The following GABRB2 variants were observed in gnomAD, a reference collection of about 807,000 sequenced individuals.
GABRB2 encodes the protein gamma-aminobutyric acid receptor subunit beta-2.
Under a neutral mutation model 54.7 loss-of-function variants are expected in GABRB2, and 16 were observed. The ratio of observed to expected loss-of-function variants is 0.29; its 90% CI spans 0.20 to 0.44. GABRB2 has a LOEUF of 0.44. Ranked by LOEUF, GABRB2 falls within the 20% of genes least tolerant of loss-of-function variation. GABRB2 has a pLI of 1.00. For synonymous variants in GABRB2, 244 were observed against 233.8 expected (o/e 1.04, Z -0.40); for missense variants, 355 against 644.0 (o/e 0.55, Z 4.86).
intron 5 of GABRB2, among the ~76,000 whole-genome samples, chr5:161,379,365 A>C (rs1220597060): frequency 2.6e-5 from 4 of 152,134 alleles, no homozygotes; most frequent in Non-Finnish European, 5.9e-5. Context: ...TTACTACTAC[A>C]GGATGTGTGT....
intron 5 of GABRB2, among the ~76,000 whole-genome samples, chr5:161,388,601 G>A (rs1055558257): frequency 1.3e-5 from 2 of 151,796 alleles, no homozygotes; most frequent in Admixed American, 6.6e-5. Flanking sequence ...AATAATTTAA[G>A]AATTAATCAT....
chr5:161,390,974 T>A (rs900037142), intron 5 of GABRB2, among the ~76,000 whole-genome samples: 1 of 152,164 alleles, frequency 6.6e-6, no homozygotes, highest in African/African-American at 2.4e-5. Flanking sequence ...TCAGGGACTG[T>A]CAGTGTTGTT....
Position 161,292,783 on chromosome 5 carries a change from A to C in GABRB2, c.*1298T>G, listed in dbSNP as rs983484880. 1 of 152,178 alleles carries C rather than the reference A, an allele frequency of 6.6e-6. No individual in the cohort carries two copies. The highest frequency in any genetic ancestry group is 1.5e-5 in the Non-Finnish European group (1 of 68,024). 9.4% of individuals were successfully genotyped at this position (152,178 alleles called of 1,614,324 possible). On this transcript the variant is annotated 3_prime_UTR_variant, in exon 10 of 10. Transcript: ENST00000393959. ...GTGTGTTCATACTCCTTGAAGTATT[A>C]TTTGCTTTGAAAAATACAATGGTGA...
At chr5:161,463,510 G>A (rs140463822) in intron 3 of GABRB2, among the ~76,000 whole-genome samples, 240 of 123,466 alleles carry the variant, frequency 1.9e-3, no homozygotes, top group Non-Finnish European at 3.0e-3. Context: ...ACCCTATCAG[G>A]ATTTTTTTTG....
At chr5:161,427,978 T>C (rs953405690) in intron 4 of GABRB2, among the ~76,000 whole-genome samples, 3 of 152,112 alleles carry the variant, frequency 2.0e-5, no homozygotes, top group Non-Finnish European at 2.9e-5. Flanking sequence ...ACACAACTGA[T>C]TTTACATTTA....
intron 4 of GABRB2, among the ~76,000 whole-genome samples, chr5:161,441,009 TC>T (rs1757452355): frequency 6.6e-6 from 1 of 152,156 alleles, no homozygotes; most frequent in Non-Finnish European, 1.5e-5. Context: ...CTATGAAATT[TC>T]TACAAGAAAA....
intron 3 of GABRB2, among the ~76,000 whole-genome samples, chr5:161,517,416 A>G (rs1759981864): frequency 6.6e-6 from 1 of 152,184 alleles, no homozygotes; most frequent in Admixed American, 6.5e-5. Context: ...GTTAGCTTTC[A>G]TCTCAGTTTA....
intron 4 of GABRB2, among the ~76,000 whole-genome samples, chr5:161,446,683 C>A (rs1383231359): frequency 2.6e-5 from 4 of 152,086 alleles, no homozygotes; most frequent in African/African-American, 9.7e-5. Flanking sequence ...TTATTATTTA[C>A]TTTTGACAAA....
chr5:161,367,037 C>G (rs1316153285), intron 5 of GABRB2, among the ~76,000 whole-genome samples: 2 of 152,032 alleles, frequency 1.3e-5, no homozygotes, highest in Non-Finnish European at 2.9e-5. Flanking sequence ...AAAAATCAAC[C>G]TTTTCAGAAA....
At chr5:161,502,844 C>T (rs959899164) in intron 3 of GABRB2, among the ~76,000 whole-genome samples, 9 of 152,162 alleles carry the variant, frequency 5.9e-5, no homozygotes, top group South Asian at 2.1e-4. Flanking sequence ...AGAGAAGAAA[C>T]TACAGAAATC....
At chr5:161,434,902 A>G (rs1257705844) in intron 4 of GABRB2, among the ~76,000 whole-genome samples, 1 of 152,142 alleles carries the variant, frequency 6.6e-6, no homozygotes, top group East Asian at 1.9e-4. Flanking sequence ...CTATATCCAC[A>G]CTAGTGAAAA....
At chr5:161,342,439 A>G (rs947720311) in intron 5 of GABRB2, among the ~76,000 whole-genome samples, 2 of 152,032 alleles carry the variant, frequency 1.3e-5, no homozygotes, top group Admixed American at 1.3e-4. Context: ...GTTTCATGGA[A>G]AAGGGTTATG....
chr5:161,440,435 G>C (rs1222665977), intron 4 of GABRB2, among the ~76,000 whole-genome samples: 1 of 152,106 alleles, frequency 6.6e-6, no homozygotes, highest in Non-Finnish European at 1.5e-5. Context: ...CAGAGCAGTA[G>C]TAGCTATACT....
chr5:161,419,502 T>C (rs1301698137), intron 4 of GABRB2, among the ~76,000 whole-genome samples: 1 of 152,224 alleles, frequency 6.6e-6, no homozygotes, highest in Non-Finnish European at 1.5e-5. Context: ...AAAGGATAAC[T>C]GCTCTTATAT....
At chr5:161,339,346 T>A (rs149011764) in intron 5 of GABRB2, among the ~76,000 whole-genome samples, 1 of 152,122 alleles carries the variant, frequency 6.6e-6, no homozygotes, top group South Asian at 2.1e-4. Flanking sequence ...TGGTGGTATA[T>A]ACTAAGCACT....
chr5:161,398,020 TAGA>T (rs1756058362), intron 5 of GABRB2, among the ~76,000 whole-genome samples: 2 of 151,406 alleles, frequency 1.3e-5, no homozygotes, highest in African/African-American at 4.9e-5. Flanking sequence ...AGATGATAGA[TAGA>T]TAGATAGATA....
intron 3 of GABRB2, among the ~76,000 whole-genome samples, chr5:161,539,308 A>G (rs1760741057): frequency 6.6e-6 from 1 of 152,212 alleles, no homozygotes; most frequent in South Asian, 2.1e-4. Flanking sequence ...TCTGCTCAGG[A>G]GCATTCTAAT....
intron 9 of GABRB2, among the ~76,000 whole-genome samples, chr5:161,315,767 A>G (rs1331848024): frequency 1.3e-5 from 2 of 152,186 alleles, no homozygotes; most frequent in African/African-American, 4.8e-5. Context: ...CACCTCAAAC[A>G]TGTATCATTT....
At chr5:161,301,261 A>T (rs1020574641) in intron 9 of GABRB2, among the ~76,000 whole-genome samples, 3 of 152,154 alleles carry the variant, frequency 2.0e-5, no homozygotes, top group African/African-American at 7.2e-5. Context: ...ACTCAATTTT[A>T]GCAAATGGAA....
Sources: allele counts gnomAD v4.1 joint callset (sites outside exome capture counted in the v4.1 genomes callset), GRCh38; gene constraint gnomAD v4.1.1; transcripts MANE v1.5; gene names NCBI Gene and HGNC (gene_info 2026-07-23, HGNC 2026-07-21).